Variants in BTBD9 observed in about 807,000 individuals in gnomAD.
The protein encoded by BTBD9 is BTB domain containing 9, also known as BTB/POZ domain-containing protein 9.
In BTBD9, 49 loss-of-function variants were observed where a neutral mutation model predicts 64.3. The ratio of observed to expected loss-of-function variants is 0.76; its 90% CI spans 0.61 to 0.97. BTBD9 has a LOEUF of 0.97. BTBD9 is among the 50% of genes least tolerant of loss of function. The pLI is 0.00. For missense variants in BTBD9, 598 were observed against 762.1 expected (o/e 0.78, Z 2.53); for synonymous variants, 260 against 274.7 (o/e 0.95, Z 0.53).
intron 10 of BTBD9, among the ~76,000 whole-genome samples, chr6:38,176,048 A>G (rs1392162212): frequency 6.6e-6 from 1 of 152,258 alleles, no homozygotes. Flanking sequence ...GACAGGGCAC[A>G]GCACCGAGCT....
At chr6:38,403,787 T>C (rs1293553646) in intron 6 of BTBD9, among the ~76,000 whole-genome samples, 1 of 152,228 alleles carries the variant, frequency 6.6e-6, no homozygotes, top group Non-Finnish European at 1.5e-5. Context: ...TAAATGTGTA[T>C]AGCAGCATTA....
At chr6:38,236,078 T>A (rs765230074) in intron 9 of BTBD9, among the ~76,000 whole-genome samples, 8 of 152,172 alleles carry the variant, frequency 5.3e-5, no homozygotes, top group African/African-American at 1.7e-4. Context: ...CTCTTATTTT[T>A]CAAGAAAACA....
chr6:38,601,056 A>C lies in BTBD9; in HGVS notation c.-27-2935T>G, dbSNP rs568026788. ...CAAATGGGGAGCTTAAAAACAACAA[A>C]AAAAAAGATGCTCGAGTCCCACTCA... is the stretch of plus-strand genomic sequence containing the variant. On this transcript the variant is annotated intron_variant, in intron 1 of 10. Transcript: ENST00000481247. Among the ~76,000 whole-genome samples, 13 of 152,208 alleles carry C rather than the reference A, an allele frequency of 8.5e-5. No individual in the cohort carries two copies. In the East Asian group the frequency reaches 1.7e-3, roughly 20 times the overall value.
At chr6:38,488,807 T>C (rs1035356308) in intron 6 of BTBD9, among the ~76,000 whole-genome samples, 1 of 152,000 alleles carries the variant, frequency 6.6e-6, no homozygotes, top group African/African-American at 2.4e-5. Context: ...TATTTTTCAA[T>C]AAGGAAATTC....
At chr6:38,534,256 T>C (rs1773918069) in intron 6 of BTBD9, among the ~76,000 whole-genome samples, 3 of 152,078 alleles carry the variant, frequency 2.0e-5, no homozygotes, top group South Asian at 4.2e-4. Flanking sequence ...TGCCAATAAA[T>C]TGGAAAACCT....
intron 9 of BTBD9, chr6:38,193,797 A>G (rs959633895): frequency 1.8e-5 from 18 of 984,602 alleles, no homozygotes; most frequent in Non-Finnish European, 1.8e-5. Context: ...AAGAAAATAT[A>G]TATGTATTTG....
chr6:38,621,403 G>A (rs1447937092), intron 1 of BTBD9, among the ~76,000 whole-genome samples: 1 of 152,160 alleles, frequency 6.6e-6, no homozygotes, highest in Non-Finnish European at 1.5e-5. Flanking sequence ...GGAACTCTTG[G>A]AAGTCCCCTT....
intron 9 of BTBD9, among the ~76,000 whole-genome samples, chr6:38,233,278 G>A (rs947381209): frequency 5.9e-5 from 9 of 151,996 alleles, no homozygotes; most frequent in East Asian, 3.8e-4. Context: ...AAAAAATAAC[G>A]AAACCATTTT....
Position 38,495,171 on chromosome 6 carries a change from C to T in BTBD9, c.1154+82429G>A, listed in dbSNP as rs979738933. Among the ~76,000 whole-genome samples the T allele has an allele frequency of 5.3e-5, 8 of 152,262 alleles. No individual in the cohort carries two copies. The South Asian group carries it at 6.2e-4, about 12-fold the overall frequency. The stretch of plus-strand genomic sequence containing the variant: ...CTGTGGCCTTGCATCTTGTTTCCAC[C>T]GCTACAGATCAAAACAGGCAAATAA... On this transcript the variant is annotated intron_variant, in intron 6 of 10. Transcript: ENST00000481247.
chr6:38,195,358 G>C (rs1049130486), intron 9 of BTBD9, among the ~76,000 whole-genome samples: 7 of 152,204 alleles, frequency 4.6e-5, no homozygotes, highest in Non-Finnish European at 8.8e-5. Context: ...CAGGTACCCA[G>C]AATCTCTTCT....
At chr6:38,178,319 C>G (rs1188032424) in intron 10 of BTBD9, among the ~76,000 whole-genome samples, 1 of 152,212 alleles carries the variant, frequency 6.6e-6, no homozygotes, top group Non-Finnish European at 1.5e-5. Context: ...AGGGAACAGC[C>G]TCTGCACACC....
At chr6:38,543,829 C>T (rs889058163) in intron 6 of BTBD9, among the ~76,000 whole-genome samples, 2 of 151,780 alleles carry the variant, frequency 1.3e-5, no homozygotes, top group African/African-American at 4.8e-5. Context: ...TGTTGGCGGG[C>T]GCCTGTAGTC....
chr6:38,354,264 C>T (rs537713944), intron 6 of BTBD9, among the ~76,000 whole-genome samples: 8 of 152,214 alleles, frequency 5.3e-5, no homozygotes, highest in African/African-American at 1.9e-4. Context: ...GAGAAACTAG[C>T]ACTGGAATTA....
At chr6:38,177,475 GT>G (rs1429761894) in intron 10 of BTBD9, among the ~76,000 whole-genome samples, 1 of 152,164 alleles carries the variant, frequency 6.6e-6, no homozygotes, top group Admixed American at 6.5e-5. Context: ...ACCTGCTCGG[GT>G]TCTTGCACAA....
chr6:38,519,143 G>A (rs1188588693), intron 6 of BTBD9, among the ~76,000 whole-genome samples: 1 of 152,106 alleles, frequency 6.6e-6, no homozygotes, highest in African/African-American at 2.4e-5. Context: ...CTTGCATGTG[G>A]GAAATGTGAC....
chr6:38,245,075 C>T (rs1244981368), intron 9 of BTBD9, among the ~76,000 whole-genome samples: 2 of 152,148 alleles, frequency 1.3e-5, no homozygotes, highest in African/African-American at 4.8e-5. Context: ...GGCACGCATG[C>T]TTCTATTCAT....
intron 8 of BTBD9, among the ~76,000 whole-genome samples, chr6:38,286,159 T>C (rs1289659656): frequency 6.6e-6 from 1 of 152,162 alleles, no homozygotes; most frequent in African/African-American, 2.4e-5. Context: ...TGTGATTTGT[T>C]GCCTATGGTA....
At position 38,488,533 on chromosome 6, in the gene BTBD9, C is replaced by T. The variant is rs561516253; in HGVS notation, c.1154+89067G>A. 3.3e-5 allele frequency among the ~76,000 whole-genome samples: 5 copies of T among 152,274 alleles called. No homozygotes were observed. In the South Asian group the frequency reaches 1.0e-3, roughly 32 times the overall value. On this transcript the variant is annotated intron_variant, in intron 6 of 10. Coordinates refer to ENST00000481247, the MANE Select transcript of BTBD9 (RefSeq NM_001099272.2). ...TGCGATGTGTCGGCATAGCACAGTC[C>T]TGTCTCCGGGCTCCTAGGCCACGTC...
At chr6:38,316,086 T>C (rs1562014175) in intron 7 of BTBD9, among the ~76,000 whole-genome samples, 1 of 152,250 alleles carries the variant, frequency 6.6e-6, no homozygotes. Context: ...TTTATAGATT[T>C]TGTCTTGAAA....
Sources: gnomAD v4.1 joint callset for allele counts (sites outside exome capture counted in the v4.1 genomes callset) on GRCh38, gnomAD v4.1.1 for gene constraint, MANE v1.5 for transcripts, NCBI Gene and HGNC (gene_info 2026-07-23, HGNC 2026-07-21) for gene names.